SLC68A1: variants seen among roughly 807,000 people sequenced by gnomAD.
SLC68A1 encodes major facilitator superfamily domain containing 13A.
the SLC68A1 span, chr10:102,470,521 C>A: frequency 7.5e-7 from 1 of 1,332,762 alleles, no homozygotes; most frequent in Non-Finnish European, 1.0e-6. Context: ...AAGTTGCAGA[C>A]TGGGGACTTA....
chr10:102,468,229 T>TTGTTTAATCC, the SLC68A1 span: 1 of 152,252 alleles, frequency 6.6e-6, no homozygotes, highest in African/African-American at 2.4e-5. Flanking sequence ...GTGAGTTACC[T>TTGTTTAATCC]TGTTTAATCC....
At chr10:102,467,690 C>G in the SLC68A1 span, among the ~76,000 whole-genome samples, 2 of 151,956 alleles carry the variant, frequency 1.3e-5, no homozygotes, top group Non-Finnish European at 2.9e-5. Flanking sequence ...GAGTTTCGCT[C>G]TTGGTGCCCA....
the SLC68A1 span, chr10:102,465,837 A>G: frequency 6.6e-6 from 1 of 152,314 alleles, no homozygotes; most frequent in Non-Finnish European, 1.5e-5. Flanking sequence ...ACATTAAAAG[A>G]GTAACCCTGC....
the SLC68A1 span, chr10:102,472,095 C>T: frequency 2.7e-5 from 12 of 450,992 alleles, no homozygotes; most frequent in Admixed American, 2.4e-4. Flanking sequence ...CCCAGGAGTT[C>T]GAGGCTGCAA....
chr10:102,468,638 G>A, the SLC68A1 span: 1 of 170,054 alleles, frequency 5.9e-6, no homozygotes, highest in East Asian at 1.7e-4. Flanking sequence ...CTGCACTCCA[G>A]CCTGGGCAAC....
the SLC68A1 span, chr10:102,468,254 A>C: frequency 6.6e-6 from 1 of 152,206 alleles, no homozygotes; most frequent in Non-Finnish European, 1.5e-5. Flanking sequence ...GATTTGCAAA[A>C]TAGGCCTAAC....
chr10:102,470,622 AGTCTGACACG>A, the SLC68A1 span: 1 of 1,579,558 alleles, frequency 6.3e-7, no homozygotes, highest in South Asian at 1.2e-5. Flanking sequence ...CAGCCTGCCA[AGTCTGACACG>A]GCATCTCCCA....
chr10:102,472,933 C>T, the SLC68A1 span: 57 of 1,613,690 alleles, frequency 3.5e-5, no homozygotes, highest in Non-Finnish European at 4.6e-5. Context: ...TCCCTTTCCA[C>T]GGGCTCCATC....
the SLC68A1 span, among the ~76,000 whole-genome samples, chr10:102,466,869 A>G: frequency 6.6e-6 from 1 of 152,232 alleles, no homozygotes; most frequent in Admixed American, 6.5e-5. Flanking sequence ...ATAGTGACAG[A>G]GGCGGACATT....
At chr10:102,468,046 T>A in the SLC68A1 span, among the ~76,000 whole-genome samples, 1 of 148,844 alleles carries the variant, frequency 6.7e-6, no homozygotes, top group Non-Finnish European at 1.5e-5. Flanking sequence ...AAAAAAAAAA[T>A]GCCTGTCCTC....
At chr10:102,472,764 T>C in the SLC68A1 span, 116 of 927,056 alleles carry the variant, frequency 1.3e-4, no homozygotes, top group African/African-American at 1.4e-3. Context: ...GGATGGGGAG[T>C]TGGGGGGGAT....
chr10:102,470,797 G>T, the SLC68A1 span: 3 of 1,613,896 alleles, frequency 1.9e-6, no homozygotes, highest in Admixed American at 5.0e-5. Flanking sequence ...TGCAGTTCTT[G>T]CTGTGCCTGT....
the SLC68A1 span, chr10:102,470,672 G>A: frequency 1.1e-5 from 18 of 1,607,454 alleles, no homozygotes; most frequent in East Asian, 6.7e-5. Context: ...CAGGTCAGGC[G>A]CCGGGCTCTC....
chr10:102,469,638 C>G, the SLC68A1 span, among the ~76,000 whole-genome samples: 1 of 151,400 alleles, frequency 6.6e-6, no homozygotes, highest in South Asian at 2.1e-4. Flanking sequence ...CCTCCGCCTT[C>G]GTGGTTCAAG....
the SLC68A1 span, chr10:102,472,988 GGAGA>G: frequency 1.3e-6 from 2 of 1,483,756 alleles, no homozygotes; most frequent in Admixed American, 3.3e-5. Flanking sequence ...CAAGCTGGAA[GGAGA>G]GAGACCTGTA....
the SLC68A1 span, chr10:102,469,293 AC>A: frequency 3.9e-6 from 5 of 1,284,228 alleles, no homozygotes; most frequent in African/African-American, 6.3e-5. Flanking sequence ...GCCTGGTCCC[AC>A]CCAGTCAGAG....
chr10:102,466,378 G>T, the SLC68A1 span, among the ~76,000 whole-genome samples: 1 of 151,728 alleles, frequency 6.6e-6, no homozygotes, highest in Non-Finnish European at 1.5e-5. Flanking sequence ...AGCTACTCGG[G>T]AGGCTGAGGT....
chr10:102,475,358 T>G, the SLC68A1 span, among the ~76,000 whole-genome samples: 1 of 150,374 alleles, frequency 6.7e-6, no homozygotes, highest in Non-Finnish European at 1.5e-5. Flanking sequence ...GAGGCCAGAA[T>G]GGGGACAGCA....
At chr10:102,469,409 T>A in the SLC68A1 span, among the ~76,000 whole-genome samples, 1 of 152,200 alleles carries the variant, frequency 6.6e-6, no homozygotes, top group Non-Finnish European at 1.5e-5. Flanking sequence ...GGCCACTGTC[T>A]TACATAGTTG....
Sources: gnomAD v4.1 joint callset for allele counts (sites outside exome capture counted in the v4.1 genomes callset) on GRCh38, gnomAD v4.1.1 for gene constraint, MANE v1.5 for transcripts, NCBI Gene and HGNC (gene_info 2026-07-23, HGNC 2026-07-21) for gene names.